Variants in PRDM2 observed in about 807,000 individuals in gnomAD.
PRDM2 encodes PR domain zinc finger protein 2.
A neutral mutation model predicts 130.0 loss-of-function variants in PRDM2; 30 were observed. That is an observed-to-expected ratio of 0.23 (90% CI 0.17 to 0.31). The LOEUF (loss-of-function observed/expected upper bound fraction) is 0.31, where lower values mean the gene tolerates loss of function less well. PRDM2 is among the 10% of genes least tolerant of loss of function. The probability of loss-of-function intolerance (pLI) is 1.00; values close to 1 mark genes in which losing one functional copy is unlikely to be tolerated. For synonymous variants in PRDM2, 871 were observed against 782.4 expected (o/e 1.11, Z -1.89); for missense variants, 2,011 against 2,108.4 (o/e 0.95, Z 0.90).
chr1:13,818,700 T>C (rs1645299033), intron 9 of PRDM2, among the ~76,000 whole-genome samples: 1 of 152,126 alleles, frequency 6.6e-6, no homozygotes, highest in Non-Finnish European at 1.5e-5. Flanking sequence ...CTTCTCTCTT[T>C]CTTAAGCAGT....
At chr1:13,767,705 G>A (rs1026250425) in intron 6 of PRDM2, among the ~76,000 whole-genome samples, 6 of 152,078 alleles carry the variant, frequency 3.9e-5, no homozygotes, top group Non-Finnish European at 7.4e-5. Flanking sequence ...GCTGGATGCC[G>A]TGACTACATC....
At chr1:13,812,359 C>T (rs1385223719) in intron 8 of PRDM2, among the ~76,000 whole-genome samples, 1 of 152,140 alleles carries the variant, frequency 6.6e-6, no homozygotes, top group Non-Finnish European at 1.5e-5. Flanking sequence ...CCCATGATCA[C>T]AGCACACTGC....
At chr1:13,811,611 T>A (rs1645174641) in intron 8 of PRDM2, among the ~76,000 whole-genome samples, 1 of 151,888 alleles carries the variant, frequency 6.6e-6, no homozygotes, top group Non-Finnish European at 1.5e-5. Flanking sequence ...GTCCTGTGCC[T>A]GGGGACACAG....
rs1305902212 is a variant in PRDM2 at position 13,788,010 on chromosome 1, C to A, written c.5036+5179C>A. 8.1e-6 allele frequency: 8 copies of A among 983,504 alleles called. No individual in the cohort carries two copies. The South Asian group carries it at 2.8e-4, about 35-fold the overall frequency. 60.9% of individuals were successfully genotyped at this position (983,504 alleles called of 1,614,324 possible). A position where few individuals can be genotyped will look rare whatever the true frequency, so the allele number is the denominator to read the frequency against. On this transcript the variant is annotated intron_variant, in intron 8 of 9. Transcript: ENST00000311066. The stretch of plus-strand genomic sequence containing the variant: ...ATTTGTTGTGCTATTGCTGCAAACA[C>A]TTAATAACTAGAGGAGAATTTAAAC...
intron 9 of PRDM2, among the ~76,000 whole-genome samples, chr1:13,818,697 C>G (rs1277157948): frequency 2.6e-5 from 4 of 152,064 alleles, no homozygotes; most frequent in Non-Finnish European, 5.9e-5. Flanking sequence ...TTACTTCTCT[C>G]TTTCTTAAGC....
intron 4 of PRDM2, among the ~76,000 whole-genome samples, chr1:13,739,905 A>G (rs1643387402): frequency 6.6e-6 from 1 of 152,164 alleles, no homozygotes; most frequent in Non-Finnish European, 1.5e-5. Flanking sequence ...GCCCATTTAA[A>G]AGGTTAAAAT....
At chr1:13,707,176 C>T (rs1484198338) in intron 1 of PRDM2, among the ~76,000 whole-genome samples, 5 of 152,180 alleles carry the variant, frequency 3.3e-5, no homozygotes, top group African/African-American at 1.2e-4. Context: ...AAAAGAGCTT[C>T]GAGCAGCTCC....
At chr1:13,789,868 C>G (rs1644810318) in intron 8 of PRDM2, among the ~76,000 whole-genome samples, 1 of 152,220 alleles carries the variant, frequency 6.6e-6, no homozygotes, top group Non-Finnish European at 1.5e-5. Context: ...TCCCCGTCAG[C>G]CTTTACAGGC....
rs889813520 is a variant in PRDM2, at chr1:13,803,387, G to A, written c.5037-13040G>A. ...GGTGAGAAGTGAATAGACTCCAACC[G>A]TGCTCTCCTGGTGCTCCCAGTCCAG... is the stretch of plus-strand genomic sequence containing the variant. On this transcript the variant is annotated intron_variant, in intron 8 of 9. Coordinates refer to ENST00000311066, the MANE Select transcript of PRDM2 (RefSeq NM_001393986.1). This position sits in a 1 kb window ranked among gnomAD's most constrained non-coding sequence, Gnocchi z 6.2. Among the ~76,000 whole-genome samples, 1 of 152,152 alleles carries A rather than the reference G, an allele frequency of 6.6e-6. No homozygotes were observed. The highest frequency in any genetic ancestry group is 2.4e-5 in the African/African-American group (1 of 41,428).
intron 9 of PRDM2, among the ~76,000 whole-genome samples, chr1:13,821,458 T>C (rs1393308349): frequency 6.6e-6 from 1 of 150,812 alleles, no homozygotes; most frequent in Non-Finnish European, 1.5e-5. Context: ...ATTTATTTAT[T>C]TATTTATTTA....
At chr1:13,805,094 G>C (rs1645067345) in intron 8 of PRDM2, among the ~76,000 whole-genome samples, 1 of 152,144 alleles carries the variant, frequency 6.6e-6, no homozygotes, top group South Asian at 2.1e-4. Flanking sequence ...TGTAAAACCA[G>C]GACCATCACA....
intron 8 of PRDM2, among the ~76,000 whole-genome samples, chr1:13,809,778 C>T (rs1447644587): frequency 6.6e-6 from 1 of 152,190 alleles, no homozygotes; most frequent in African/African-American, 2.4e-5. Context: ...CCAAGCATGA[C>T]TCTGGGCAAG....
chr1:13,757,350 T>A (rs2100569757), intron 6 of PRDM2, among the ~76,000 whole-genome samples: 1 of 152,398 alleles, frequency 6.6e-6, no homozygotes, highest in South Asian at 2.1e-4. Flanking sequence ...TTAGGTTTTA[T>A]ATTATTTTGG....
intron 6 of PRDM2, among the ~76,000 whole-genome samples, chr1:13,764,479 A>G (rs1276626433): frequency 6.6e-6 from 1 of 152,222 alleles, no homozygotes; most frequent in Non-Finnish European, 1.5e-5. Context: ...AGGTAAGGAA[A>G]CTTAATGCTT....
Position 13,781,766 on chromosome 1 carries a change from A to G in PRDM2, c.3971A>G (p.Asn1324Ser). 1 of 1,614,196 alleles carries G rather than the reference A, an allele frequency of 6.2e-7. No homozygotes were observed. Among genetic ancestry groups the G allele is most frequent in the Non-Finnish European group, 8.5e-7 (1 of 1,180,042 alleles). Reference protein sequence around the residue: ...GVTATNFTTHNIPQTFTTAIR... With the variant: ...GVTATNFTTHSIPQTFTTAIR... Reference sequence around the variant, plus strand: ...ACAGCCACAAATTTCACTACACACAATATTCCACAGACTTTCACTACCGCC... The same window carrying G: ...ACAGCCACAAATTTCACTACACACAGTATTCCACAGACTTTCACTACCGCC... Residue 1324 changes from asparagine to serine, a missense_variant, in exon 8 of 10, where the codon AAT (asparagine) becomes AGT (serine). Around this residue, in one of 5 missense-constraint regions of PRDM2, gnomAD observed 229 missense variants for 364.1 expected, o/e 0.63. Transcript: ENST00000311066. This position sits in a 1 kb window ranked among gnomAD's most constrained non-coding sequence, Gnocchi z 6.1.
At chr1:13,740,633 C>A (rs1033535647) in intron 4 of PRDM2, among the ~76,000 whole-genome samples, 1 of 152,272 alleles carries the variant, frequency 6.6e-6, no homozygotes. Flanking sequence ...GACAATTAAA[C>A]AGGTGACTTT....
chr1:13,820,862 G>A (rs946016652), intron 9 of PRDM2, among the ~76,000 whole-genome samples: 1 of 152,000 alleles, frequency 6.6e-6, no homozygotes, highest in African/African-American at 2.4e-5. Flanking sequence ...GCCACGCCAG[G>A]CCAAGGGAAT....
intron 8 of PRDM2, among the ~76,000 whole-genome samples, chr1:13,785,661 G>A (rs1358847451): frequency 6.9e-6 from 1 of 144,878 alleles, no homozygotes; most frequent in Non-Finnish European, 1.5e-5. Flanking sequence ...TCTTACTACA[G>A]TGACCCACCC....
chr1:13,752,863 A>C (rs1294304312), intron 6 of PRDM2, among the ~76,000 whole-genome samples: 1 of 152,208 alleles, frequency 6.6e-6, no homozygotes, highest in Non-Finnish European at 1.5e-5. Flanking sequence ...GAATATCATC[A>C]TATCGATGAT....
Sources: allele counts gnomAD v4.1 joint callset (sites outside exome capture counted in the v4.1 genomes callset), GRCh38; gene constraint gnomAD v4.1.1; regional missense constraint gnomAD v4.1.1; non-coding constraint Gnocchi (gnomAD v3.1); transcripts MANE v1.5; gene names NCBI Gene and HGNC (gene_info 2026-07-23, HGNC 2026-07-21).